LGR5: variants seen among roughly 807,000 people sequenced by gnomAD.
LGR5 encodes leucine-rich repeat-containing G protein-coupled receptor 5.
LGR5 carries 54 observed loss-of-function variants against 76.7 expected under a neutral mutation model. The ratio of observed to expected loss-of-function variants is 0.70; its 90% CI spans 0.57 to 0.88. The LOEUF (loss-of-function observed/expected upper bound fraction) is 0.88, where lower values mean the gene tolerates loss of function less well. Ranked by LOEUF, LGR5 falls within the 40% of genes least tolerant of loss-of-function variation. The probability of loss-of-function intolerance (pLI) is 0.00; values close to 1 mark genes in which losing one functional copy is unlikely to be tolerated. For missense variants in LGR5, 1,078 were observed against 1,073.3 expected (o/e 1.00, Z -0.06); for synonymous variants, 406 against 421.9 (o/e 0.96, Z 0.46).
At chr12:71,523,534 A>C (rs1046065790) in intron 2 of LGR5, among the ~76,000 whole-genome samples, 2 of 152,144 alleles carry the variant, frequency 1.3e-5, no homozygotes, top group African/African-American at 4.8e-5. Flanking sequence ...TCCCAGTTCT[A>C]CTCACCAGTC....
intron 3 of LGR5, among the ~76,000 whole-genome samples, chr12:71,532,191 C>T (rs1162149296): frequency 1.3e-5 from 2 of 152,056 alleles, no homozygotes; most frequent in Non-Finnish European, 2.9e-5. Flanking sequence ...ACTTAGAAAA[C>T]ATTTTTGTGA....
intron 13 of LGR5, 77 bp from the exon 14 acceptor site, chr12:71,577,848 A>T: frequency 2.2e-6 from 2 of 903,462 alleles, no homozygotes. Flanking sequence ...ATTTTGGTAG[A>T]AGACTAAATG....
At chr12:71,479,301 C>T (rs1446018434) in intron 1 of LGR5, among the ~76,000 whole-genome samples, 3 of 152,144 alleles carry the variant, frequency 2.0e-5, no homozygotes, top group African/African-American at 4.8e-5. Context: ...GCTGTACTAT[C>T]CTCCCAAACC....
At chr12:71,449,915 T>C (rs576125594) in intron 1 of LGR5, among the ~76,000 whole-genome samples, 2 of 152,202 alleles carry the variant, frequency 1.3e-5, no homozygotes, top group Admixed American at 1.3e-4. Context: ...TTAATCGTGA[T>C]TGCTAGAGCA....
At chr12:71,574,793 G>A (rs907832324) in intron 13 of LGR5, among the ~76,000 whole-genome samples, 8 of 151,934 alleles carry the variant, frequency 5.3e-5, no homozygotes, top group Non-Finnish European at 1.2e-4. Context: ...TTGTCCCCCT[G>A]CCCATTTCAC....
chr12:71,533,294 G>A (rs561494753), intron 3 of LGR5, among the ~76,000 whole-genome samples: 12 of 152,272 alleles, frequency 7.9e-5, no homozygotes, highest in Non-Finnish European at 1.2e-4. Flanking sequence ...GCAGTGGGCC[G>A]AGATTGCGCC....
intron 1 of LGR5, among the ~76,000 whole-genome samples, chr12:71,487,409 T>G (rs1247708146): frequency 3.9e-5 from 6 of 152,126 alleles, no homozygotes; most frequent in Middle Eastern, 3.2e-3. Flanking sequence ...CTTTTAGTGA[T>G]TTTTGTCTGT....
intron 13 of LGR5, among the ~76,000 whole-genome samples, chr12:71,574,099 C>T (rs371793573): frequency 2.0e-5 from 3 of 151,462 alleles, no homozygotes. Context: ...GTCAGGAGTT[C>T]GAGACCAGCC....
rs1877563228 is a variant in LGR5, at chr12:71,552,937, C to T, written c.429-136C>T. The T allele has an allele frequency of 4.5e-6, 3 of 665,750 alleles. No homozygotes were observed. The East Asian group carries it at 8.1e-5, about 18-fold the overall frequency. The allele number at this position is 665,750 out of a possible 1,614,324, so 41.2% of individuals were successfully genotyped here. On this transcript the variant is annotated intron_variant, in intron 4 of 17. Coordinates refer to ENST00000266674, the MANE Select transcript of LGR5 (RefSeq NM_003667.4). The stretch of plus-strand genomic sequence containing the variant: ...GAGATCATCTGGAGAGGAAAATGCT[C>T]CAGATGTCAGGGCTCTCGGGGACCC...
intron 1 of LGR5, among the ~76,000 whole-genome samples, chr12:71,499,640 A>G (rs1443234208): frequency 1.3e-5 from 2 of 152,136 alleles, no homozygotes; most frequent in African/African-American, 2.4e-5. Context: ...GACAGGTTGT[A>G]TCCTGCACAG....
rs545965224 is a variant in LGR5, at chr12:71,524,421, C to T, written c.300C>T (p.Asn100=). The change falls in exon 3 of 18, where the codon AAC becomes AAT. Residue 100 remains asparagine, a synonymous_variant. Coordinates refer to ENST00000266674, the MANE Select transcript of LGR5 (RefSeq NM_003667.4). ...RFLEELRLAG[N]ALTYIPKGAF... ...AAACCCACAGACGTCTTGCGGGAAA[C>T]GCTCTGACATACATTCCCAAGGGAG... is the stretch of plus-strand genomic sequence containing the variant. 2.0e-5 allele frequency: 33 copies of T among 1,612,792 alleles called. No homozygotes were observed. The highest frequency in any genetic ancestry group is 1.3e-4 in the South Asian group (12 of 91,014).
chr12:71,529,032 G>C (rs1053411342), intron 3 of LGR5, among the ~76,000 whole-genome samples: 2 of 152,098 alleles, frequency 1.3e-5, no homozygotes, highest in Non-Finnish European at 2.9e-5. Context: ...ACACTCACTT[G>C]GGAGAATATT....
At chr12:71,506,316 C>T (rs952729949) in intron 2 of LGR5, among the ~76,000 whole-genome samples, 4 of 152,046 alleles carry the variant, frequency 2.6e-5, no homozygotes, top group African/African-American at 7.2e-5. Flanking sequence ...CCTCAACACA[C>T]ACCTCAACTT....
At chr12:71,572,968 T>G (rs1878683817) in intron 13 of LGR5, 47 bp downstream of exon 13, 1 of 1,377,754 alleles carries the variant, frequency 7.3e-7, no homozygotes, top group Non-Finnish European at 1.0e-6. Flanking sequence ...GCATTTTCTT[T>G]CTCTTTGGGG....
intron 2 of LGR5, among the ~76,000 whole-genome samples, chr12:71,520,133 A>G (rs549325765): frequency 6.6e-6 from 1 of 152,328 alleles, no homozygotes; most frequent in Non-Finnish European, 1.5e-5. Flanking sequence ...ACAAGAGCCA[A>G]AAGATGGAAA....
At chr12:71,555,408 A>G (rs1286623244) in intron 5 of LGR5, among the ~76,000 whole-genome samples, 1 of 152,142 alleles carries the variant, frequency 6.6e-6, no homozygotes, top group Non-Finnish European at 1.5e-5. Flanking sequence ...AGTTGTGCAC[A>G]GCTGTTCTCA....
In LGR5 at chr12:71,586,265, G is replaced by A. The variant is rs941665162; in HGVS notation, c.*1531G>A. ...TAGATTCCAAATTTGCTTTTCTATT[G>A]GGTAAAAAATAAATTTGTAATAAAA... On this transcript the variant is annotated 3_prime_UTR_variant, in exon 18 of 18. Transcript: ENST00000266674. 4.6e-5 allele frequency: 7 copies of A among 151,876 alleles called. No individual in the cohort carries two copies. Among genetic ancestry groups the A allele is most frequent in the Non-Finnish European group, 8.8e-5 (6 of 67,970 alleles). The allele number at this position is 151,876 out of a possible 1,614,324, so 9.4% of individuals were successfully genotyped here. A position where few individuals can be genotyped will look rare whatever the true frequency, so the allele number is the denominator to read the frequency against.
At chr12:71,494,505 T>C (rs1280293110) in intron 1 of LGR5, among the ~76,000 whole-genome samples, 2 of 151,262 alleles carry the variant, frequency 1.3e-5, no homozygotes, top group Non-Finnish European at 2.9e-5. Flanking sequence ...TTCTTTTCCA[T>C]TATGCCCCAT....
At chr12:71,582,261 T>C (rs1279419297) in intron 16 of LGR5, 195 bp from the exon 17 acceptor site, 2 of 514,102 alleles carry the variant, frequency 3.9e-6, no homozygotes, top group Non-Finnish European at 7.0e-6. Flanking sequence ...CACCCCCAGT[T>C]GTACTAGAAT....
Sources: gnomAD v4.1 joint callset for allele counts (sites outside exome capture counted in the v4.1 genomes callset) on GRCh38, gnomAD v4.1.1 for gene constraint, MANE v1.5 for transcripts, NCBI Gene and HGNC (gene_info 2026-07-23, HGNC 2026-07-21) for gene names.